The following PRDM16 variants were observed in gnomAD, a reference collection of about 807,000 sequenced individuals.
PRDM16 encodes the protein histone-lysine N-methyltransferase PRDM16.
In PRDM16, 23 loss-of-function variants were observed where a neutral mutation model predicts 110.6. That is an observed-to-expected ratio of 0.21 (90% confidence interval 0.15 to 0.29). PRDM16 has a LOEUF of 0.29. Ranked by LOEUF, PRDM16 falls within the 10% of genes least tolerant of loss-of-function variation. PRDM16 has a pLI of 1.00. For missense variants in PRDM16, 1,615 were observed against 1,794.3 expected (o/e 0.90, Z 1.81); for synonymous variants, 799 against 781.8 (o/e 1.02, Z -0.37).
At chr1:3,122,122 C>A (rs984193956) in intron 1 of PRDM16, among the ~76,000 whole-genome samples, 4 of 152,192 alleles carry the variant, frequency 2.6e-5, no homozygotes, top group Admixed American at 6.5e-5. Flanking sequence ...CACGTCCAGC[C>A]ATGGCCTGGA....
rs542034770 is a variant in PRDM16 at position 3,143,769 on chromosome 1, G to A, written c.38-42356G>A. Among the ~76,000 whole-genome samples, 12 of 152,268 alleles carry A rather than the reference G, an allele frequency of 7.9e-5. No individual in the cohort carries two copies. The highest frequency in any genetic ancestry group is 1.7e-4 in the African/African-American group (7 of 41,556). Reference sequence around the variant, plus strand: ...TGGGATCACAGGCTTGAGCCACCGCGTCCGGCTTATTCTTTTTTTCTAAAT... The same window carrying A: ...TGGGATCACAGGCTTGAGCCACCGCATCCGGCTTATTCTTTTTTTCTAAAT... On this transcript the variant is annotated intron_variant, in intron 1 of 16. Coordinates refer to ENST00000270722, the MANE Select transcript of PRDM16 (RefSeq NM_022114.4). This position sits in a 1 kb window ranked among gnomAD's most constrained non-coding sequence, Gnocchi z 4.5.
In PRDM16 at chr1:3,425,993, C is replaced by A; in HGVS notation, c.3110-58C>A. On this transcript the variant is annotated intron_variant, in intron 13 of 16. Coordinates refer to ENST00000270722, the MANE Select transcript of PRDM16 (RefSeq NM_022114.4). The surrounding 1 kb of genome is among the most constrained non-coding windows in gnomAD (Gnocchi z 6.9). Reference sequence around the variant, plus strand: ...TGTACCCCGTTCGCGGTTGGTTTGCCCCACGGAGGGAGGGGTCCAGCGAGA... The same window carrying A: ...TGTACCCCGTTCGCGGTTGGTTTGCACCACGGAGGGAGGGGTCCAGCGAGA... The A allele has an allele frequency of 6.4e-7, 1 of 1,562,050 alleles. No homozygotes were observed. Among genetic ancestry groups the A allele is most frequent in the South Asian group, 1.2e-5 (1 of 84,642 alleles).
intron 1 of PRDM16, among the ~76,000 whole-genome samples, chr1:3,131,541 G>T (rs943768644): frequency 2.0e-5 from 3 of 152,110 alleles, no homozygotes; most frequent in African/African-American, 7.2e-5. Flanking sequence ...AAATCAAGTG[G>T]ACATAATTAA....
chr1:3,348,745 T>C (rs1304819553), intron 3 of PRDM16, among the ~76,000 whole-genome samples: 3 of 152,206 alleles, frequency 2.0e-5, no homozygotes, highest in Non-Finnish European at 1.5e-5. Flanking sequence ...CCCTCTGCCC[T>C]TGGGGACCGG....
At position 3,285,086 on chromosome 1, in the gene PRDM16, G is replaced by GC. The variant is rs549416638; in HGVS notation, c.438+40956dup. Among the ~76,000 whole-genome samples the GC allele has an allele frequency of 1.8e-3, 275 of 152,272 alleles. 3 individuals are homozygous for GC. Among genetic ancestry groups the GC allele is most frequent in the African/African-American group, 6.3e-3 (260 of 41,560 alleles). On this transcript the variant is annotated intron_variant, in intron 3 of 16. Transcript: ENST00000270722. ...AAGGGAGGCAGGCTGGCACTCTCTG[G>GC]CCCCCCCAAGTTCTGGGCCAGCCCC...
At chr1:3,210,824 T>G (rs1209125332) in intron 2 of PRDM16, among the ~76,000 whole-genome samples, 1 of 152,270 alleles carries the variant, frequency 6.6e-6, no homozygotes, top group Non-Finnish European at 1.5e-5. Flanking sequence ...TGTCCACGTA[T>G]TCATGAGATA....
chr1:3,194,783 T>G (rs72846872), intron 2 of PRDM16, among the ~76,000 whole-genome samples: 2,176 of 152,248 alleles, frequency 0.014, 49 homozygotes, highest in African/African-American at 0.049. Context: ...GTCCCACGTT[T>G]TATCATCTAA....
chr1:3,234,239 C>T (rs1639487882), intron 2 of PRDM16, among the ~76,000 whole-genome samples: 1 of 152,194 alleles, frequency 6.6e-6, no homozygotes, highest in Non-Finnish European at 1.5e-5. Flanking sequence ...TGCTTCCTCT[C>T]CAGTATGGTC....
At chr1:3,374,601 T>A (rs1000135190) in intron 3 of PRDM16, among the ~76,000 whole-genome samples, 3 of 152,130 alleles carry the variant, frequency 2.0e-5, no homozygotes, top group African/African-American at 7.2e-5. Flanking sequence ...ACTGTGGCCT[T>A]TCTCCTGGGG....
At chr1:3,428,104 G>A (rs762204632) in intron 14 of PRDM16, among the ~76,000 whole-genome samples, 28 of 152,150 alleles carry the variant, frequency 1.8e-4, no homozygotes, top group Admixed American at 3.3e-4. Flanking sequence ...GACCAGGAGC[G>A]TGTGCGGAGG....
chr1:3,143,862 G>A lies in PRDM16; in HGVS notation c.38-42263G>A, dbSNP rs1030643582. ...TGCAGCCCCTGGGAGCTGAGGCCCT[G>A]TCTGTGGATGGAGGAGGAGGGACTG... On this transcript the variant is annotated intron_variant, in intron 1 of 16. Transcript: ENST00000270722. This position sits in a 1 kb window ranked among gnomAD's most constrained non-coding sequence, Gnocchi z 4.5. Among the ~76,000 whole-genome samples the A allele has an allele frequency of 3.3e-5, 5 of 152,188 alleles. No individual in the cohort carries two copies. In the South Asian group the frequency reaches 8.3e-4, roughly 25 times the overall value.
At chr1:3,108,706 G>A (rs749115475) in intron 1 of PRDM16, among the ~76,000 whole-genome samples, 7 of 152,324 alleles carry the variant, frequency 4.6e-5, no homozygotes, top group South Asian at 2.1e-4. Context: ...CAAGAAGGCC[G>A]AGTGGCCCTG....
chr1:3,402,531 C>T (rs1049294807), intron 5 of PRDM16, among the ~76,000 whole-genome samples: 17 of 152,216 alleles, frequency 1.1e-4, no homozygotes, highest in Non-Finnish European at 1.5e-5. Flanking sequence ...GGCCGGGTGT[C>T]GCCCGGGGCT....
At position 3,385,218 on chromosome 1, in the gene PRDM16, C is replaced by T. The variant is rs1482685748; in HGVS notation, c.505C>T (p.Leu169Phe). 11 of 1,613,754 alleles carry T rather than the reference C, an allele frequency of 6.8e-6. No individual in the cohort carries two copies. Among genetic ancestry groups the T allele is most frequent in the Non-Finnish European group, 9.3e-6 (11 of 1,180,002 alleles). ...DANQAGAGSW[L>F]KYIRVACSCD... is the part of the protein sequence containing the mutation. ...AAATCAGGCGGGGGCTGGCAGCTGGCTCAAGTACATCCGTGTGGCGTGCTC... is the reference window on the plus strand; with the variant it reads ...AAATCAGGCGGGGGCTGGCAGCTGGTTCAAGTACATCCGTGTGGCGTGCTC... The change falls in exon 4 of 17, where the codon CTC becomes TTC. Residue 169 changes from leucine (L) to phenylalanine (F), a missense_variant. Leu to Phe is a conservative substitution (Grantham distance 22). Coordinates refer to ENST00000270722, the MANE Select transcript of PRDM16 (RefSeq NM_022114.4).
chr1:3,173,301 G>C (rs1308975938), intron 1 of PRDM16, among the ~76,000 whole-genome samples: 4 of 152,252 alleles, frequency 2.6e-5, no homozygotes, highest in Non-Finnish European at 5.9e-5. Flanking sequence ...CCGGAACAAG[G>C]CTTTATAAAA....
At position 3,417,899 on chromosome 1, in the gene PRDM16, C is replaced by G. The variant is rs1310673567; in HGVS notation, c.2763C>G (p.Ser921=). 3.1e-6 allele frequency: 5 copies of G among 1,612,782 alleles called. No individual in the cohort carries two copies. The highest frequency in any genetic ancestry group is 4.2e-6 in the Non-Finnish European group (5 of 1,179,158). Residue 921 remains serine, a synonymous_variant, in exon 11 of 17, where the codon TCC becomes TCG. Coordinates refer to ENST00000270722, the MANE Select transcript of PRDM16 (RefSeq NM_022114.4). ...CCATGAAGGCGGACTCGGGCAGCTC[C>G]CTGCAGCCCCTCCCCCACCACCCCT... ...FAAMKADSGS[S]LQPLPHHPFN...
intron 1 of PRDM16, among the ~76,000 whole-genome samples, chr1:3,127,378 G>C (rs1010873061): frequency 6.6e-6 from 1 of 152,176 alleles, no homozygotes; most frequent in Non-Finnish European, 1.5e-5. Context: ...ATCTTACCCA[G>C]ACGATGCCCT....
At chr1:3,283,946 T>C (rs1640791112) in intron 3 of PRDM16, among the ~76,000 whole-genome samples, 1 of 152,128 alleles carries the variant, frequency 6.6e-6, no homozygotes, top group Non-Finnish European at 1.5e-5. Context: ...CGGTGCGCGG[T>C]GTGTCCAGGA....
intron 1 of PRDM16, among the ~76,000 whole-genome samples, chr1:3,168,664 T>A (rs1449145035): frequency 1.4e-5 from 2 of 147,030 alleles, no homozygotes; most frequent in East Asian, 4.2e-4. Context: ...AAGAAATTGC[T>A]TTAAAATGTA....
Sources: gnomAD v4.1 joint callset for allele counts (sites outside exome capture counted in the v4.1 genomes callset) on GRCh38, gnomAD v4.1.1 for gene constraint, Gnocchi (gnomAD v3.1) non-coding constraint, MANE v1.5 for transcripts, NCBI Gene and HGNC (gene_info 2026-07-23, HGNC 2026-07-21) for gene names.